Variants in SNAP91 observed in about 807,000 individuals in gnomAD.
SNAP91 encodes the protein synaptosome associated protein 91, also known as clathrin coat assembly protein AP180.
SNAP91 carries 27 observed loss-of-function variants against 100.3 expected under a neutral mutation model. That is an observed-to-expected ratio of 0.27 (90% CI 0.20 to 0.37). The LOEUF (loss-of-function observed/expected upper bound fraction) is 0.37, where lower values mean the gene tolerates loss of function less well. Among genes scored for constraint, SNAP91 ranks in the 10% least tolerant of loss-of-function variants. The pLI, the probability that SNAP91 is intolerant of heterozygous loss-of-function variation, is 1.00. For synonymous variants in SNAP91, 404 were observed against 398.6 expected (o/e 1.01, Z -0.16); for missense variants, 986 against 1,123.7 (o/e 0.88, Z 1.75).
chr6:83,661,708 G>A (rs1198267407), intron 4 of SNAP91, 104 bp from the exon 5 acceptor site: 1 of 576,486 alleles, frequency 1.7e-6, no homozygotes, highest in Non-Finnish European at 3.0e-6. Context: ...GATAGTCCTA[G>A]GATAGGGTCA....
At chr6:83,599,783 T>C (rs2094943963) in intron 16 of SNAP91, among the ~76,000 whole-genome samples, 1 of 152,214 alleles carries the variant, frequency 6.6e-6, no homozygotes, top group Middle Eastern at 3.2e-3. Context: ...TGGGTGGCTC[T>C]TTTTAATTTA....
At chr6:83,595,945 T>A (rs189363611) in intron 16 of SNAP91, among the ~76,000 whole-genome samples, 144 of 152,326 alleles carry the variant, frequency 9.5e-4, no homozygotes, top group African/African-American at 3.4e-3. Context: ...AAAGGCCCTT[T>A]ACCAAATCAC....
intron 6 of SNAP91, among the ~76,000 whole-genome samples, chr6:83,658,539 G>A (rs1479864980): frequency 6.6e-6 from 1 of 152,178 alleles, no homozygotes; most frequent in Non-Finnish European, 1.5e-5. Flanking sequence ...AACCCAGGAG[G>A]CAGAGCTTGT....
In SNAP91 at chr6:83,704,382, T is replaced by C. The variant is rs140717979; in HGVS notation, c.130+3416A>G. ...TACATAATCCAAAAGTGCCATAAAA[T>C]ATATAATCCTTACTTAGATTATTAG... On this transcript the variant is annotated intron_variant, in intron 2 of 29. Transcript: ENST00000369694. Among the ~76,000 whole-genome samples, 7 of 152,210 alleles carry C rather than the reference T, an allele frequency of 4.6e-5. No individual in the cohort carries two copies. The East Asian group carries it at 1.4e-3, about 29-fold the overall frequency.
intron 8 of SNAP91, among the ~76,000 whole-genome samples, chr6:83,634,664 A>G (rs1562443445): frequency 6.6e-6 from 1 of 151,890 alleles, no homozygotes; most frequent in Non-Finnish European, 1.5e-5. Context: ...GACTTTGGCT[A>G]TTTGTTTTCT....
At chr6:83,574,242 C>T (rs892664925) in intron 26 of SNAP91, among the ~76,000 whole-genome samples, 3 of 152,210 alleles carry the variant, frequency 2.0e-5, no homozygotes, top group Admixed American at 2.0e-4. Flanking sequence ...CTTAGTTTTG[C>T]TAAACACAGA....
chr6:83,601,186 A>T, intron 16 of SNAP91, 85 bp downstream of exon 16: 1 of 1,301,354 alleles, frequency 7.7e-7, no homozygotes, highest in Non-Finnish European at 1.1e-6. Flanking sequence ...ATGCTGTTAC[A>T]TAACGGAAAA....
chr6:83,703,008 C>G (rs1314778279), intron 2 of SNAP91, among the ~76,000 whole-genome samples: 1 of 152,122 alleles, frequency 6.6e-6, no homozygotes, highest in Non-Finnish European at 1.5e-5. Context: ...ACACGTTGGG[C>G]CCATTACACA....
intron 2 of SNAP91, among the ~76,000 whole-genome samples, chr6:83,671,097 T>C (rs1361781812): frequency 2.6e-5 from 4 of 151,988 alleles, no homozygotes; most frequent in African/African-American, 7.2e-5. Context: ...ATAGATCAAT[T>C]TGGGGTAAAC....
chr6:83,668,796 T>C (rs1402309201), intron 2 of SNAP91, among the ~76,000 whole-genome samples: 1 of 152,054 alleles, frequency 6.6e-6, no homozygotes, highest in East Asian at 1.9e-4. Context: ...TCGTTAGTAA[T>C]TTAAGAGTAC....
chr6:83,593,653 T>A lies in SNAP91; in HGVS notation c.1521A>T (p.Val507=), dbSNP rs2094112394. The change falls in exon 18 of 30, where the codon GTA becomes GTT. Residue 507 remains valine, a synonymous_variant. Coordinates refer to ENST00000369694, the MANE Select transcript of SNAP91 (RefSeq NM_001242792.2). The part of the protein sequence containing the change: ...AMKPPETSVP[V]VTPTASTAPP... ...GGGCTGTGCTAGCTGTAGGGGTAAC[T>A]ACAGGAACACTGGTCTCAGGTGGCT... The A allele has an allele frequency of 6.2e-7, 1 of 1,613,338 alleles. No individual in the cohort carries two copies. The highest frequency in any genetic ancestry group is 1.3e-5 in the African/African-American group (1 of 74,848).
At chr6:83,621,306 G>C (rs1033023559) in intron 9 of SNAP91, among the ~76,000 whole-genome samples, 10 of 152,092 alleles carry the variant, frequency 6.6e-5, no homozygotes, top group African/African-American at 2.2e-4. Context: ...CTTTTTAATG[G>C]TTGTATAGTA....
intron 3 of SNAP91, among the ~76,000 whole-genome samples, chr6:83,662,891 T>A (rs1431184630): frequency 7.2e-5 from 11 of 152,160 alleles, no homozygotes; most frequent in Non-Finnish European, 2.9e-5. Context: ...GAGCTTCTTT[T>A]TTATTGCACT....
chr6:83,594,428 C>A lies in SNAP91; in HGVS notation c.1378G>T (p.Ala460Ser). The A allele has an allele frequency of 6.4e-7, 1 of 1,552,004 alleles. No individual in the cohort carries two copies. The highest frequency in any genetic ancestry group is 8.7e-7 in the Non-Finnish European group (1 of 1,147,178). ...GCTACAGGGGTTGGGGTAGCTGGTGCGGCGGCCCCTTCGGATGCTGCAGGG... is the reference window on the plus strand; with the variant it reads ...GCTACAGGGGTTGGGGTAGCTGGTGAGGCGGCCCCTTCGGATGCTGCAGGG... ...EAPAASEGAAAPATPTPVAAA... is the reference protein window; with the variant it reads ...EAPAASEGAASPATPTPVAAA... Residue 460 changes from alanine (A) to serine (S), a missense_variant, in exon 17 of 30, where the codon GCA (alanine) becomes TCA (serine). By Grantham distance (99) the Ala-to-Ser change is moderately conservative. Transcript: ENST00000369694.
In SNAP91 at chr6:83,601,765, A is replaced by G. The variant is rs982987634; in HGVS notation, c.1142-166T>C. On this transcript the variant is annotated intron_variant, in intron 14 of 29. Transcript: ENST00000369694. ...AAAAATAAATGTACTACCTATTATCATGGAACTTTTAAGCTAGAAGGGACC... is the reference window on the plus strand; with the variant it reads ...AAAAATAAATGTACTACCTATTATCGTGGAACTTTTAAGCTAGAAGGGACC... Among the ~76,000 whole-genome samples, 3 of 152,192 alleles carry G rather than the reference A, an allele frequency of 2.0e-5. No homozygotes were observed. In the East Asian group the frequency reaches 5.8e-4, roughly 29 times the overall value.
At chr6:83,606,595 T>C (rs2095629546) in intron 13 of SNAP91, among the ~76,000 whole-genome samples, 1 of 152,232 alleles carries the variant, frequency 6.6e-6, no homozygotes, top group South Asian at 2.1e-4. Context: ...ACCTTCAGAT[T>C]TGAGGAGCAC....
intron 8 of SNAP91, among the ~76,000 whole-genome samples, chr6:83,637,681 C>T (rs1227188654): frequency 6.6e-6 from 1 of 152,206 alleles, no homozygotes; most frequent in Non-Finnish European, 1.5e-5. Context: ...TCAGGCGGCA[C>T]CCTTCTCAGA....
At chr6:83,578,525 T>C (rs1244392063) in intron 24 of SNAP91, among the ~76,000 whole-genome samples, 1 of 152,162 alleles carries the variant, frequency 6.6e-6, no homozygotes, top group Non-Finnish European at 1.5e-5. Flanking sequence ...GAATATAGGG[T>C]GCTTGGGTCA....
At chr6:83,696,897 C>G (rs1405427361) in intron 2 of SNAP91, among the ~76,000 whole-genome samples, 1 of 152,010 alleles carries the variant, frequency 6.6e-6, no homozygotes, top group East Asian at 1.9e-4. Flanking sequence ...TGGAAGTTAT[C>G]CAAATATTTG....
Sources: gnomAD v4.1 joint callset for allele counts (sites outside exome capture counted in the v4.1 genomes callset) on GRCh38, gnomAD v4.1.1 for gene constraint, MANE v1.5 for transcripts, NCBI Gene and HGNC (gene_info 2026-07-23, HGNC 2026-07-21) for gene names.